Variants in DMRT1 observed in about 807,000 individuals in gnomAD.
DMRT1 encodes the protein doublesex and mab-3 related transcription factor 1.
A neutral mutation model predicts 32.3 loss-of-function variants in DMRT1; 7 were observed. The ratio of observed to expected loss-of-function variants is 0.22; its 90% confidence interval spans 0.12 to 0.41. DMRT1 has a LOEUF of 0.41. Among genes scored for constraint, DMRT1 ranks in the 10% least tolerant of loss-of-function variants. The probability of loss-of-function intolerance (pLI) is 1.00; values close to 1 mark genes in which losing one functional copy is unlikely to be tolerated. For missense variants in DMRT1, 625 were observed against 500.5 expected, an observed-to-expected ratio of 1.25 and a Z score of -2.37; for synonymous variants, 278 against 206.1, an observed-to-expected ratio of 1.35 and a Z score of -2.99.
At chr9:858,870 A>AAAAAAAAAATATAT (rs1815525305) in intron 2 of DMRT1, among the ~76,000 whole-genome samples, 1 of 48,076 alleles carries the variant, frequency 2.1e-5, no homozygotes, top group African/African-American at 8.3e-5. Context: ...AAAAAAAAAA[A>AAAAAAAAAATATAT]ATATATATAT....
At chr9:911,998 C>G (rs925740195) in intron 3 of DMRT1, among the ~76,000 whole-genome samples, 3 of 152,064 alleles carry the variant, frequency 2.0e-5, no homozygotes, top group Non-Finnish European at 2.9e-5. Flanking sequence ...CTACCCAAGA[C>G]TGGGTAATTT....
In DMRT1 at chr9:941,573, A is replaced by C. The variant is rs149176524; in HGVS notation, c.967+24666A>C. On this transcript the variant is annotated intron_variant, in intron 4 of 4. Transcript: ENST00000382276. The stretch of plus-strand genomic sequence containing the variant: ...AGAGTTATCGTTTTTTTGGGTATAG[A>C]GTTACAGTTTGAGAACATAAAAAGT... Among the ~76,000 whole-genome samples, 190 of 152,210 alleles carry C rather than the reference A, an allele frequency of 1.2e-3. 3 individuals carry two copies. The highest frequency in any genetic ancestry group is 6.8e-3 in the Middle Eastern group (2 of 294).
chr9:883,052 A>T (rs1816793893), intron 2 of DMRT1, among the ~76,000 whole-genome samples: 1 of 151,798 alleles, frequency 6.6e-6, no homozygotes, highest in Non-Finnish European at 1.5e-5. Flanking sequence ...GATTACAGGC[A>T]TGAGCCACCA....
rs1198923586 is a variant in DMRT1, at chr9:841,819, G to T, written c.-20G>T. The stretch of plus-strand genomic sequence containing the variant: ...GGCGAGAGAGGGGGCCAGAGTGCTC[G>T]CACTTCTCCTAGGGGCACCATGCCC... On this transcript the variant is annotated 5_prime_UTR_variant, in exon 1 of 5. Transcript: ENST00000382276. 6.2e-6 allele frequency: 10 copies of T among 1,600,174 alleles called. No individual in the cohort carries two copies. Among genetic ancestry groups the T allele is most frequent in the Non-Finnish European group, 8.5e-6 (10 of 1,174,088 alleles).
At chr9:873,781 G>C (rs1160541159) in intron 2 of DMRT1, among the ~76,000 whole-genome samples, 3 of 152,190 alleles carry the variant, frequency 2.0e-5, no homozygotes, top group Admixed American at 1.3e-4. Context: ...TTTAAGTATT[G>C]TATTGTCCAT....
At chr9:938,110 C>T (rs115798603) in intron 4 of DMRT1, among the ~76,000 whole-genome samples, 2,870 of 152,108 alleles carry the variant, frequency 0.019, 91 homozygotes, top group African/African-American at 0.065. Flanking sequence ...CTCCTTTTCC[C>T]AGTGAGTGGT....
rs1248426399 is a variant in DMRT1, at chr9:968,155, G to A, written c.*16G>A. The A allele has an allele frequency of 5.6e-6, 9 of 1,613,612 alleles. No individual in the cohort carries two copies. The highest frequency in any genetic ancestry group is 2.2e-5 in the South Asian group (2 of 91,040). On this transcript the variant is annotated 3_prime_UTR_variant, in exon 5 of 5. Transcript: ENST00000382276. ...GGACGAGTGAGCAGTGCCTGCTGCC[G>A]ATGGCGGTTCACTTGGAGTAACAGG...
chr9:885,708 G>A (rs1220727281), intron 2 of DMRT1, among the ~76,000 whole-genome samples: 2 of 152,188 alleles, frequency 1.3e-5, no homozygotes, highest in African/African-American at 4.8e-5. Flanking sequence ...CAACATTTAG[G>A]TGGGAAGGCA....
At chr9:862,094 C>T (rs78959370) in intron 2 of DMRT1, among the ~76,000 whole-genome samples, 12 of 123,530 alleles carry the variant, frequency 9.7e-5, no homozygotes, top group Non-Finnish European at 1.4e-4. Context: ...ACTTCCTAGA[C>T]GGGGTGGCGG....
intron 2 of DMRT1, among the ~76,000 whole-genome samples, chr9:884,341 A>G (rs1816842656): frequency 6.6e-6 from 1 of 150,640 alleles, no homozygotes; most frequent in Non-Finnish European, 1.5e-5. Flanking sequence ...TGAAGGAGTG[A>G]ATCATATTTC....
intron 2 of DMRT1, among the ~76,000 whole-genome samples, chr9:852,895 T>TG (rs1260710502): frequency 6.6e-6 from 1 of 152,210 alleles, no homozygotes; most frequent in Non-Finnish European, 1.5e-5. Context: ...TTACTCCACT[T>TG]GGAGAGCACA....
At chr9:941,837 G>C (rs1445338726) in intron 4 of DMRT1, among the ~76,000 whole-genome samples, 2 of 152,138 alleles carry the variant, frequency 1.3e-5, no homozygotes, top group African/African-American at 4.8e-5. Flanking sequence ...TCACATTGAT[G>C]AATGTCCTAA....
chr9:919,900 G>A (rs1283432419), intron 4 of DMRT1, among the ~76,000 whole-genome samples: 1 of 152,204 alleles, frequency 6.6e-6, no homozygotes, highest in Non-Finnish European at 1.5e-5. Context: ...AGGAAGAGAG[G>A]AGTGAAGGAT....
At chr9:850,268 C>G (rs1013514181) in intron 2 of DMRT1, among the ~76,000 whole-genome samples, 4 of 152,114 alleles carry the variant, frequency 2.6e-5, no homozygotes, top group African/African-American at 9.7e-5. Context: ...ATTCAGATGC[C>G]AGCAGAATTA....
At chr9:924,485 C>G (rs1468714268) in intron 4 of DMRT1, among the ~76,000 whole-genome samples, 1 of 152,172 alleles carries the variant, frequency 6.6e-6, no homozygotes, top group African/African-American at 2.4e-5. Flanking sequence ...ATGGCAGAAT[C>G]TGTCATCTCT....
At chr9:864,345 A>G (rs1435963998) in intron 2 of DMRT1, among the ~76,000 whole-genome samples, 1 of 150,370 alleles carries the variant, frequency 6.7e-6, no homozygotes, top group Admixed American at 6.7e-5. Context: ...CTGGGATTAA[A>G]GGTGTCTGCC....
intron 4 of DMRT1, among the ~76,000 whole-genome samples, chr9:933,072 C>G (rs1458278556): frequency 6.6e-6 from 1 of 152,104 alleles, no homozygotes; most frequent in Non-Finnish European, 1.5e-5. Flanking sequence ...ACCACCATGC[C>G]CAGCAAATTT....
intron 3 of DMRT1, among the ~76,000 whole-genome samples, chr9:900,809 C>T (rs139322529): frequency 1.9e-4 from 29 of 151,750 alleles, no homozygotes; most frequent in Middle Eastern, 3.4e-3. Flanking sequence ...CTCAGTCTCA[C>T]GAGTAGCTGG....
intron 4 of DMRT1, among the ~76,000 whole-genome samples, chr9:941,456 G>GA (rs1395934171): frequency 7.2e-5 from 11 of 151,812 alleles, no homozygotes; most frequent in Non-Finnish European, 1.3e-4. Flanking sequence ...AATACTGTAT[G>GA]ATTCCACATG....
Sources: allele counts gnomAD v4.1 joint callset (sites outside exome capture counted in the v4.1 genomes callset), GRCh38; gene constraint gnomAD v4.1.1; transcripts MANE v1.5; gene names NCBI Gene and HGNC (gene_info 2026-07-23, HGNC 2026-07-21).